RHBDL2: variants seen among roughly 807,000 people sequenced by gnomAD.
RHBDL2 encodes the protein rhomboid like 2, also known as rhomboid-related protein 2.
Under a neutral mutation model 31.7 loss-of-function variants are expected in RHBDL2, and 26 were observed. That is an observed-to-expected ratio of 0.82 (90% CI 0.60 to 1.14). RHBDL2 has a LOEUF of 1.14. Among genes scored for constraint, RHBDL2 ranks in the 50% most tolerant of loss-of-function variants. The probability of loss-of-function intolerance (pLI) is 0.00; values close to 1 mark genes in which losing one functional copy is unlikely to be tolerated. For missense variants in RHBDL2, 336 were observed against 364.4 expected (o/e 0.92, Z 0.63); for synonymous variants, 123 against 127.2 (o/e 0.97, Z 0.22).
chr1:38,928,571 C>T (rs1203366663), intron 1 of RHBDL2, among the ~76,000 whole-genome samples: 1 of 152,132 alleles, frequency 6.6e-6, no homozygotes, highest in Non-Finnish European at 1.5e-5. Context: ...CTCACCCTCC[C>T]GAGTAGCTGG....
intron 4 of RHBDL2, among the ~76,000 whole-genome samples, chr1:38,903,905 C>T (rs1273718361): frequency 2.0e-5 from 3 of 152,108 alleles, no homozygotes; most frequent in African/African-American, 2.4e-5. Flanking sequence ...CAGAAATTAA[C>T]ACACTCATAT....
intron 4 of RHBDL2, among the ~76,000 whole-genome samples, chr1:38,902,663 G>A (rs1018298922): frequency 5.9e-5 from 9 of 151,720 alleles, no homozygotes; most frequent in South Asian, 2.1e-4. Context: ...CTGATGATCC[G>A]CCCACCTCGG....
At chr1:38,894,264 TC>T (rs1642887790) in intron 5 of RHBDL2, among the ~76,000 whole-genome samples, 1 of 152,202 alleles carries the variant, frequency 6.6e-6, no homozygotes. Flanking sequence ...CTTAGTGATT[TC>T]TATATTTGGA....
intron 1 of RHBDL2, among the ~76,000 whole-genome samples, chr1:38,932,207 G>T (rs879868138): frequency 6.6e-6 from 1 of 151,746 alleles, no homozygotes; most frequent in African/African-American, 2.4e-5. Flanking sequence ...TCTGAGCCTG[G>T]TCTGGCTCAG....
chr1:38,908,076 G>C (rs1643090188), intron 4 of RHBDL2, among the ~76,000 whole-genome samples: 2 of 130,746 alleles, frequency 1.5e-5, no homozygotes, highest in Admixed American at 1.7e-4. Context: ...AAAACATAAA[G>C]AGACATTTCA....
chr1:38,915,941 CTT>C (rs765612930), intron 2 of RHBDL2, among the ~76,000 whole-genome samples: 2 of 152,238 alleles, frequency 1.3e-5, no homozygotes, highest in Non-Finnish European at 2.9e-5. Flanking sequence ...GTAAGGAAGA[CTT>C]TCTGAACCCC....
At chr1:38,925,980 A>G in intron 1 of RHBDL2, 15 of 1,270,890 alleles carry the variant, frequency 1.2e-5, no homozygotes, top group Non-Finnish European at 1.5e-5. Context: ...GAATCTGCAA[A>G]TGTCAAAGAC....
At chr1:38,923,335 A>G (rs1016271691) in intron 1 of RHBDL2, among the ~76,000 whole-genome samples, 1 of 152,232 alleles carries the variant, frequency 6.6e-6, no homozygotes, top group African/African-American at 2.4e-5. Flanking sequence ...ATTCATAGCC[A>G]TGAAGAATTA....
intron 2 of RHBDL2, 145 bp downstream of exon 2, chr1:38,918,822 G>A (rs1233167217): frequency 2.1e-6 from 2 of 932,478 alleles, no homozygotes; most frequent in African/African-American, 1.6e-5. Flanking sequence ...GAGAGCAGAG[G>A]CAGAGGTGAG....
chr1:38,940,524 C>A (rs1277848564), intron 1 of RHBDL2, among the ~76,000 whole-genome samples: 1 of 152,150 alleles, frequency 6.6e-6, no homozygotes, highest in Non-Finnish European at 1.5e-5. Flanking sequence ...CCACTCCACC[C>A]GTCACTGGCC....
chr1:38,893,294 T>C (rs1284300433), intron 5 of RHBDL2, 70 bp from the exon 6 acceptor site: 2 of 697,606 alleles, frequency 2.9e-6, no homozygotes, highest in Non-Finnish European at 5.0e-6. Context: ...CTACTCCCTC[T>C]TCATCTGCTC....
At chr1:38,924,097 A>T (rs1041576411) in intron 1 of RHBDL2, among the ~76,000 whole-genome samples, 1 of 152,004 alleles carries the variant, frequency 6.6e-6, no homozygotes, top group African/African-American at 2.4e-5. Context: ...AAAAAAAAAA[A>T]GTTTTTAAAC....
chr1:38,890,128 C>G (rs1166634809), intron 6 of RHBDL2, among the ~76,000 whole-genome samples: 1 of 151,810 alleles, frequency 6.6e-6, no homozygotes, highest in Non-Finnish European at 1.5e-5. Context: ...ACCTCCACCT[C>G]CTGGGTTCAC....
At chr1:38,912,828 CCATTTTA>C (rs1643167333) in intron 3 of RHBDL2, among the ~76,000 whole-genome samples, 1 of 149,870 alleles carries the variant, frequency 6.7e-6, no homozygotes, top group African/African-American at 2.5e-5. Context: ...TCATATTACT[CCATTTTA>C]CACCTGAGGA....
intron 4 of RHBDL2, among the ~76,000 whole-genome samples, chr1:38,897,335 C>T (rs1336593719): frequency 1.3e-5 from 2 of 152,158 alleles, no homozygotes; most frequent in South Asian, 2.1e-4. Context: ...CTCCTGACCT[C>T]GTGATCTGCC....
chr1:38,901,561 G>A (rs1642989903), intron 4 of RHBDL2, among the ~76,000 whole-genome samples: 1 of 150,814 alleles, frequency 6.6e-6, no homozygotes. Context: ...AAATAAATGG[G>A]CCAGTGGCTC....
chr1:38,923,068 C>T (rs12403126), intron 1 of RHBDL2, among the ~76,000 whole-genome samples: 62,623 of 150,804 alleles, frequency 0.42, 15,661 homozygotes, highest in Non-Finnish European at 0.56. Context: ...CAACCCTGGG[C>T]GACAAGAGTG....
At chr1:38,912,902 ATATATATATGTGTGTGTGTGTGTG>A (rs1643171776) in intron 3 of RHBDL2, among the ~76,000 whole-genome samples, 1 of 36,402 alleles carries the variant, frequency 2.7e-5, no homozygotes, top group South Asian at 6.8e-4. Flanking sequence ...ATATATATAT[ATATATATATGTGTGTGTGTGTGTG>A]TGTGTGTGTG....
intron 5 of RHBDL2, among the ~76,000 whole-genome samples, chr1:38,894,697 C>CTTTTTTTTTTT (rs1422493131): frequency 1.5e-5 from 1 of 67,372 alleles, no homozygotes. Flanking sequence ...TCTTTTTTTT[C>CTTTTTTTTTTT]TTTTTTTTTC....
Sources: allele counts gnomAD v4.1 joint callset (sites outside exome capture counted in the v4.1 genomes callset), GRCh38; gene constraint gnomAD v4.1.1; transcripts MANE v1.5; gene names NCBI Gene and HGNC (gene_info 2026-07-23, HGNC 2026-07-21).